Variants in EPG5 observed in about 807,000 individuals in gnomAD.
EPG5 encodes the protein ectopic P granules protein 5 homolog.
In EPG5, 159 loss-of-function variants were observed where a neutral mutation model predicts 302.7. The observed-to-expected ratio is 0.53, with a 90% confidence interval of 0.46 to 0.60. EPG5 has a LOEUF of 0.60. Among genes scored for constraint, EPG5 ranks in the 20% least tolerant of loss-of-function variants. The pLI, the probability that EPG5 is intolerant of heterozygous loss-of-function variation, is 0.00. For missense variants in EPG5, 2,896 were observed against 3,092.4 expected, an observed-to-expected ratio of 0.94 and a Z score of 1.51; for synonymous variants, 1,158 against 1,136.8, an observed-to-expected ratio of 1.02 and a Z score of -0.37.
rs1269363241 is a variant in EPG5 at position 45,910,700 on chromosome 18, A to C, written c.4026T>G (p.Ser1342Arg). The change falls in exon 23 of 44, where the codon AGT becomes AGG. Residue 1342 changes from serine (S) to arginine (R), a missense_variant. Physicochemically the swap from Ser to Arg is moderately radical, Grantham distance 110. This residue lies in a region of EPG5 where 790 missense variants were observed against 798.0 expected (regional missense o/e 0.99). Coordinates refer to ENST00000282041, the MANE Select transcript of EPG5 (RefSeq NM_020964.3). ...CTTTCAACAAATTGATATGAGCAGG[A>C]CTTTGAAAAAACCTTCTTCCAATAC... ...DGCIGRRFFQ[S>R]PAHINLLKEM... 2 of 1,614,046 alleles carry C rather than the reference A, an allele frequency of 1.2e-6. No individual in the cohort carries two copies. The highest frequency in any genetic ancestry group is 2.7e-5 in the African/African-American group (2 of 74,940).
chr18:45,893,446 T>G (rs2049395712), intron 27 of EPG5, among the ~76,000 whole-genome samples: 1 of 151,678 alleles, frequency 6.6e-6, no homozygotes, highest in African/African-American at 2.4e-5. Flanking sequence ...GACCCTGTAG[T>G]CCCAGCTCCT....
chr18:45,807,653 A>C, the EPG5 span, among the ~76,000 whole-genome samples: 1 of 152,192 alleles, frequency 6.6e-6, no homozygotes. Flanking sequence ...CTCGGCTCTC[A>C]GGAAGCCACA....
the EPG5 span, chr18:45,825,649 C>T: frequency 6.6e-7 from 1 of 1,515,852 alleles, no homozygotes. Context: ...CGCCTTCCTT[C>T]CCCCACCACG....
At chr18:45,903,527 T>C (rs2049674207) in intron 25 of EPG5, among the ~76,000 whole-genome samples, 1 of 152,260 alleles carries the variant, frequency 6.6e-6, no homozygotes, top group African/African-American at 2.4e-5. Context: ...TTTACAATGA[T>C]ATGTCCTATA....
chr18:45,824,343 A>G, the EPG5 span, among the ~76,000 whole-genome samples: 5 of 152,202 alleles, frequency 3.3e-5, no homozygotes. Context: ...AGTAGCTGAG[A>G]CTACAGGCAC....
the EPG5 span, among the ~76,000 whole-genome samples, chr18:45,836,048 T>C: frequency 0.8 from 121,878 of 152,130 alleles, 49,476 homozygotes; most frequent in African/African-American, 0.93. Context: ...GCAGAAGGAA[T>C]GTCCCGACCT....
At chr18:45,828,207 C>T in the EPG5 span, among the ~76,000 whole-genome samples, 27 of 152,310 alleles carry the variant, frequency 1.8e-4, no homozygotes, top group Middle Eastern at 3.4e-3. Context: ...AACGCAGGCC[C>T]GCCAGTCGTG....
chr18:45,916,700 A>G, intron 17 of EPG5, 118 bp from the exon 18 acceptor site: 2 of 1,073,000 alleles, frequency 1.9e-6, no homozygotes, highest in Middle Eastern at 2.1e-4. Flanking sequence ...CGACCAAAGC[A>G]CTATTTAAGA....
chr18:45,939,704 G>A lies in EPG5; in HGVS notation c.1995C>T (p.Asn665=). 3 of 1,613,918 alleles carry A rather than the reference G, an allele frequency of 1.9e-6. No homozygotes were observed. The highest frequency in any genetic ancestry group is 2.5e-6 in the Non-Finnish European group (3 of 1,179,942). Residue 665 remains asparagine (N), a synonymous_variant, in exon 10 of 44, where the codon AAC becomes AAT. Transcript: ENST00000282041. ...GCTGTTGGGCCAATCCTGAGCCTTG[G>A]TTATGGCTCACATACTGTGCCCAAT... ...SDHWAQYVSH[N]QGSGLAQQPY... is the part of the protein sequence containing the mutation.
At chr18:45,836,882 C>CTCTA in the EPG5 span, 3 of 579,144 alleles carry the variant, frequency 5.2e-6, no homozygotes, top group African/African-American at 5.6e-5. Flanking sequence ...AGTTCCCAGC[C>CTCTA]TCTAGTGCAC....
In EPG5 at chr18:45,910,687, T is replaced by G. The variant is rs144860976; in HGVS notation, c.4039A>C (p.Asn1347His). ...CGTCTCTTCATTTCTTTCAACAAAT[T>G]GATATGAGCAGGACTTTGAAAAAAC... ...RRFFQSPAHI[N>H]LLKEMKRRLT... Residue 1347 changes from asparagine (N) to histidine (H), a missense_variant, in exon 23 of 44, where the codon AAT becomes CAT. This residue lies in a region of EPG5 where 790 missense variants were observed against 798.0 expected (regional missense o/e 0.99). Transcript: ENST00000282041. 8,546 of 1,614,114 alleles carry G rather than the reference T, an allele frequency of 5.3e-3. 33 individuals are homozygous for G. The highest frequency in any genetic ancestry group is 6.2e-3 in the Non-Finnish European group (7,300 of 1,180,016).
chr18:45,946,720 T>C lies in EPG5; in HGVS notation c.1620A>G (p.Pro540=), dbSNP rs752639374. ...TCCCAGACCCAGGCCCTGAGGAGGA[T>C]GGCTTCCGCTCGCTGGGCTTCATGT... ...MCHMKPSERK[P]SSSGPGSGTW... The change falls in exon 7 of 44, where the codon CCA becomes CCG. Residue 540 remains proline, a synonymous_variant. Transcript: ENST00000282041. 7 of 1,614,102 alleles carry C rather than the reference T, an allele frequency of 4.3e-6. No individual in the cohort carries two copies. The highest frequency in any genetic ancestry group is 4.5e-5 in the East Asian group (2 of 44,896).
At chr18:45,939,410 G>C (rs2050611584) in intron 10 of EPG5, among the ~76,000 whole-genome samples, 190 bp downstream of exon 10, 1 of 152,040 alleles carries the variant, frequency 6.6e-6, no homozygotes, top group African/African-American at 2.4e-5. Context: ...GAGAGAGAGA[G>C]AGACCATTTC....
At chr18:45,915,483 C>T (rs751232622) in intron 20 of EPG5, 28 bp downstream of exon 20, 1 of 1,475,792 alleles carries the variant, frequency 6.8e-7, no homozygotes, top group Non-Finnish European at 9.5e-7. Context: ...ACAAAGATAA[C>T]AAATGATCCT....
intron 35 of EPG5, among the ~76,000 whole-genome samples, chr18:45,874,224 A>G (rs772337330): frequency 2.0e-5 from 3 of 152,250 alleles, no homozygotes; most frequent in Non-Finnish European, 2.9e-5. Flanking sequence ...CTGGTGTGGA[A>G]TGTCCAGAGT....
At chr18:45,964,917 C>A (rs2051217756) in intron 1 of EPG5, among the ~76,000 whole-genome samples, 1 of 152,184 alleles carries the variant, frequency 6.6e-6, no homozygotes, top group Non-Finnish European at 1.5e-5. Flanking sequence ...CGCGCCACTG[C>A]ACTCCAGCCT....
chr18:45,952,511 G>A lies in EPG5; in HGVS notation c.1141C>T (p.Leu381Phe). Residue 381 changes from leucine to phenylalanine, a missense_variant, in exon 3 of 44, where the codon CTT (leucine) becomes TTT (phenylalanine). Leu to Phe is a conservative substitution (Grantham distance 22). Around this residue, in one of 5 missense-constraint regions of EPG5, gnomAD observed 1,390 missense variants for 1,430.0 expected, o/e 0.97. Coordinates refer to ENST00000282041, the MANE Select transcript of EPG5 (RefSeq NM_020964.3). ...KSEHLHQTLA[L>F]HSYTSVLSRL... The stretch of plus-strand genomic sequence containing the variant: ...GAGAGCACAGAAGTATAAGAATGAA[G>A]GGCCAGGGTCTGGTGGAGGTGCTCA... 6.2e-7 allele frequency: 1 copy of A among 1,614,172 alleles called. No homozygotes were observed. The highest frequency in any genetic ancestry group is 1.1e-5 in the South Asian group (1 of 91,086).
chr18:45,908,708 T>C (rs901800148), intron 23 of EPG5, among the ~76,000 whole-genome samples: 4 of 152,202 alleles, frequency 2.6e-5, no homozygotes, highest in South Asian at 2.1e-4. Context: ...TCCAGTACTT[T>C]GGAAGGCCAA....
intron 13 of EPG5, 102 bp downstream of exon 13, chr18:45,928,767 C>A (rs1205209551): frequency 5.3e-6 from 6 of 1,130,320 alleles, no homozygotes; most frequent in Non-Finnish European, 7.6e-6. Context: ...CCTGTTTATA[C>A]CCCTAGTGAC....
Sources: allele counts gnomAD v4.1 joint callset (sites outside exome capture counted in the v4.1 genomes callset), GRCh38; gene constraint gnomAD v4.1.1; regional missense constraint gnomAD v4.1.1; transcripts MANE v1.5; gene names NCBI Gene and HGNC (gene_info 2026-07-23, HGNC 2026-07-21).